The following DLG2 variants were observed in gnomAD, a reference collection of about 807,000 sequenced individuals.
The protein encoded by DLG2 is discs large MAGUK scaffold protein 2.
In DLG2, 45 loss-of-function variants were observed where a neutral mutation model predicts 132.5. The ratio of observed to expected loss-of-function variants is 0.34; its 90% CI spans 0.27 to 0.44. DLG2 has a LOEUF of 0.44. Ranked by LOEUF, DLG2 falls within the 20% of genes least tolerant of loss-of-function variation. The pLI is 1.00. For missense variants in DLG2, 1,045 were observed against 1,196.9 expected (o/e 0.87, Z 1.87); for synonymous variants, 424 against 419.6 (o/e 1.01, Z -0.13).
chr11:83,854,296 T>C (rs1387329352), intron 16 of DLG2, among the ~76,000 whole-genome samples: 1 of 152,142 alleles, frequency 6.6e-6, no homozygotes, highest in Admixed American at 6.5e-5. Context: ...GTCAACATGT[T>C]AGTTCTTTCC....
At chr11:85,399,717 T>C (rs1244697347) in intron 3 of DLG2, among the ~76,000 whole-genome samples, 1 of 152,194 alleles carries the variant, frequency 6.6e-6, no homozygotes, top group Non-Finnish European at 1.5e-5. Context: ...CTGGGAAAAC[T>C]GGCTAACCAT....
intron 10 of DLG2, among the ~76,000 whole-genome samples, chr11:84,072,665 C>T (rs1017487255): frequency 1.3e-5 from 2 of 152,010 alleles, no homozygotes; most frequent in African/African-American, 4.8e-5. Flanking sequence ...GGTCTTGGTA[C>T]GACATGTTAA....
chr11:85,024,590 T>C (rs2060358625), intron 6 of DLG2, among the ~76,000 whole-genome samples: 1 of 152,228 alleles, frequency 6.6e-6, no homozygotes, highest in South Asian at 2.1e-4. Context: ...ATGTTGTCTA[T>C]ATAGCCACCA....
Position 85,377,824 on chromosome 11 carries a change from T to TGTACAC in DLG2, c.41-92460_41-92459insGTGTAC, listed in dbSNP as rs1565401029. On this transcript the variant is annotated intron_variant, in intron 3 of 27. Transcript: ENST00000376104. ...ATATATGTGTGTGTGTGTGTGTGTG[T>TGTACAC]ATACATATATATGTGTGTATACATA... Among the ~76,000 whole-genome samples, 168 of 149,270 alleles carry TGTACAC rather than the reference T, an allele frequency of 1.1e-3. 1 individual carries two copies. The highest frequency in any genetic ancestry group is 3.9e-3 in the African/African-American group (159 of 40,882).
At chr11:84,852,040 G>C (rs1159777165) in intron 6 of DLG2, among the ~76,000 whole-genome samples, 2 of 151,956 alleles carry the variant, frequency 1.3e-5, no homozygotes, top group Non-Finnish European at 2.9e-5. Context: ...TGACAGCTCA[G>C]CTTTCATTTA....
intron 6 of DLG2, among the ~76,000 whole-genome samples, chr11:85,003,928 T>C (rs1361889029): frequency 2.0e-5 from 3 of 152,196 alleles, no homozygotes; most frequent in Non-Finnish European, 4.4e-5. Flanking sequence ...TGTCCATGTG[T>C]TCTCATTGTT....
chr11:83,969,500 A>T (rs914292036), intron 12 of DLG2, among the ~76,000 whole-genome samples: 50 of 152,140 alleles, frequency 3.3e-4, no homozygotes, highest in Non-Finnish European at 1.8e-4. Context: ...TCTCTTCAAA[A>T]CCTTCTTATA....
chr11:84,455,909 T>C (rs917426841), intron 7 of DLG2, among the ~76,000 whole-genome samples: 1 of 151,226 alleles, frequency 6.6e-6, no homozygotes, highest in South Asian at 2.1e-4. Flanking sequence ...ACAGCTCAAA[T>C]TGCATTCTTG....
Position 84,278,543 on chromosome 11 carries a change from C to T in DLG2, c.520-27252G>A, listed in dbSNP as rs2097811867. Among the ~76,000 whole-genome samples the T allele has an allele frequency of 7.9e-5, 12 of 151,890 alleles. No homozygotes were observed. In the South Asian group the frequency reaches 2.5e-3, roughly 31 times the overall value. ...AAGATATTACAAGAAAAGCTAATATCAATAAACCCTCATGAATATACAAGC... is the reference window on the plus strand; with the variant it reads ...AAGATATTACAAGAAAAGCTAATATTAATAAACCCTCATGAATATACAAGC... On this transcript the variant is annotated intron_variant, in intron 7 of 27. Transcript: ENST00000376104.
At chr11:84,613,271 C>T (rs2099598513) in intron 6 of DLG2, among the ~76,000 whole-genome samples, 1 of 152,016 alleles carries the variant, frequency 6.6e-6, no homozygotes, top group South Asian at 2.1e-4. Context: ...TTAAAAACAC[C>T]AGATAACAGT....
At chr11:84,880,275 C>T (rs2087089270) in intron 6 of DLG2, among the ~76,000 whole-genome samples, 1 of 152,086 alleles carries the variant, frequency 6.6e-6, no homozygotes, top group Admixed American at 6.6e-5. Context: ...AAAACAGAGC[C>T]AGCCTTCATT....
At chr11:84,565,853 C>T (rs1308064129) in intron 6 of DLG2, among the ~76,000 whole-genome samples, 1 of 151,834 alleles carries the variant, frequency 6.6e-6, no homozygotes, top group African/African-American at 2.4e-5. Flanking sequence ...ATTTGATGAT[C>T]ACTAGAATGA....
intron 6 of DLG2, among the ~76,000 whole-genome samples, chr11:84,591,849 A>T (rs2099544136): frequency 6.6e-6 from 1 of 151,920 alleles, no homozygotes; most frequent in Non-Finnish European, 1.5e-5. Flanking sequence ...CAGGGATTTT[A>T]TTATTTTTAA....
intron 18 of DLG2, among the ~76,000 whole-genome samples, chr11:83,663,084 A>T (rs1337941479): frequency 6.6e-6 from 1 of 152,242 alleles, no homozygotes; most frequent in Non-Finnish European, 1.5e-5. Flanking sequence ...TTCTGCTTAA[A>T]ATAATAAAGG....
intron 6 of DLG2, among the ~76,000 whole-genome samples, chr11:85,027,727 C>T (rs917521320): frequency 6.6e-6 from 1 of 152,316 alleles, no homozygotes; most frequent in African/African-American, 2.4e-5. Context: ...GCTATAGGCA[C>T]CTGCATCTGG....
At chr11:84,721,546 CAA>C (rs5793137) in intron 6 of DLG2, among the ~76,000 whole-genome samples, 46,466 of 137,258 alleles carry the variant, frequency 0.34, 8,352 homozygotes, top group African/African-American at 0.52. Context: ...GCAGAAAGAC[CAA>C]AAAAAAAAAA....
chr11:84,176,688 C>T (rs4547116), intron 8 of DLG2, among the ~76,000 whole-genome samples: 97,376 of 151,726 alleles, frequency 0.64, 33,367 homozygotes, highest in Middle Eastern at 0.81. Flanking sequence ...GCGTTCTGGA[C>T]TCTGAATTTT....
At chr11:84,166,431 G>T (rs929808260) in intron 8 of DLG2, among the ~76,000 whole-genome samples, 7 of 150,148 alleles carry the variant, frequency 4.7e-5, no homozygotes, top group African/African-American at 1.7e-4. Context: ...GAACCTGGGA[G>T]GCAGAGGTTG....
At chr11:84,851,645 G>C (rs142466330) in intron 6 of DLG2, among the ~76,000 whole-genome samples, 85 of 152,142 alleles carry the variant, frequency 5.6e-4, no homozygotes, top group African/African-American at 2.0e-3. Context: ...TTGGGGAGTT[G>C]ATGGAGGGTG....
Sources: gnomAD v4.1 joint callset for allele counts (sites outside exome capture counted in the v4.1 genomes callset) on GRCh38, gnomAD v4.1.1 for gene constraint, MANE v1.5 for transcripts, NCBI Gene and HGNC (gene_info 2026-07-23, HGNC 2026-07-21) for gene names.